Variants in THSD7B observed in about 807,000 individuals in gnomAD.
THSD7B encodes thrombospondin type-1 domain-containing protein 7B.
In THSD7B, 138 loss-of-function variants were observed where a neutral mutation model predicts 213.6. That is an observed-to-expected ratio of 0.65 (90% confidence interval 0.56 to 0.74). THSD7B has a LOEUF of 0.74. THSD7B is among the 30% of genes least tolerant of loss of function. THSD7B has a pLI of 0.00. For synonymous variants in THSD7B, 742 were observed against 687.0 expected (o/e 1.08, Z -1.25); for missense variants, 1,931 against 1,991.5 (o/e 0.97, Z 0.58).
intron 4 of THSD7B, among the ~76,000 whole-genome samples, chr2:137,112,236 A>C (rs1222588362): frequency 6.6e-6 from 1 of 152,150 alleles, no homozygotes; most frequent in Non-Finnish European, 1.5e-5. Context: ...TTTTGAAAAA[A>C]ATAAAGAAAA....
At chr2:137,131,246 T>C (rs929646230) in intron 5 of THSD7B, among the ~76,000 whole-genome samples, 64 of 150,956 alleles carry the variant, frequency 4.2e-4, no homozygotes, top group African/African-American at 1.5e-3. Flanking sequence ...TTCTTGTAAA[T>C]TTGTTTGAGT....
chr2:136,806,204 C>T (rs75141810), intron 1 of THSD7B, among the ~76,000 whole-genome samples: 32,961 of 152,110 alleles, frequency 0.22, 4,165 homozygotes, highest in East Asian at 0.41. Context: ...CTTTTTCAGC[C>T]CATGACATTT....
intron 13 of THSD7B, among the ~76,000 whole-genome samples, chr2:137,408,505 C>G (rs1686578900): frequency 2.6e-5 from 4 of 152,264 alleles, no homozygotes; most frequent in Admixed American, 2.6e-4. Context: ...GAGATTTTTA[C>G]TGGAGATAAT....
At chr2:137,214,843 T>G (rs1265895245) in intron 7 of THSD7B, among the ~76,000 whole-genome samples, 1 of 152,206 alleles carries the variant, frequency 6.6e-6, no homozygotes, top group Middle Eastern at 3.2e-3. Flanking sequence ...CTGATGGGCA[T>G]TTGGGTTGGT....
chr2:136,901,672 C>T (rs1684065201), intron 2 of THSD7B, among the ~76,000 whole-genome samples: 1 of 152,190 alleles, frequency 6.6e-6, no homozygotes, highest in Non-Finnish European at 1.5e-5. Flanking sequence ...TTAGAATGAA[C>T]TTTGACAAGG....
chr2:137,492,724 C>T (rs1679446272), intron 15 of THSD7B, among the ~76,000 whole-genome samples: 1 of 152,124 alleles, frequency 6.6e-6, no homozygotes, highest in African/African-American at 2.4e-5. Context: ...TTATCTAAAG[C>T]ACCACACATA....
At chr2:137,648,056 C>T (rs1231112319) in intron 21 of THSD7B, among the ~76,000 whole-genome samples, 1 of 152,124 alleles carries the variant, frequency 6.6e-6, no homozygotes, top group Non-Finnish European at 1.5e-5. Flanking sequence ...ATACTCATCT[C>T]ATAGTGCCTG....
chr2:137,550,806 A>G (rs1182320594), intron 15 of THSD7B, among the ~76,000 whole-genome samples: 1 of 152,086 alleles, frequency 6.6e-6, no homozygotes, highest in Non-Finnish European at 1.5e-5. Flanking sequence ...TTATAAGATC[A>G]TCAGTGATAC....
rs558344032 is a variant in THSD7B, at chr2:137,578,332, G to A, written c.3423+5776G>A. Among the ~76,000 whole-genome samples, 39 of 152,284 alleles carry A rather than the reference G, an allele frequency of 2.6e-4. No homozygotes were observed. In the South Asian group the frequency reaches 6.4e-3, roughly 25 times the overall value. On this transcript the variant is annotated intron_variant, in intron 17 of 27. Transcript: ENST00000409968. The stretch of plus-strand genomic sequence containing the variant: ...GAGTTCTTAGCTAACTACTAATTTG[G>A]ACATTCATGGAGTGAAACTCCCCAA...
chr2:136,847,116 A>T (rs1325770945), intron 1 of THSD7B, among the ~76,000 whole-genome samples: 1 of 152,164 alleles, frequency 6.6e-6, no homozygotes, highest in Non-Finnish European at 1.5e-5. Flanking sequence ...GGAAATAGTA[A>T]ATGGAATTGC....
chr2:137,554,491 G>A (rs1329356963), intron 15 of THSD7B, among the ~76,000 whole-genome samples: 15 of 152,134 alleles, frequency 9.9e-5, no homozygotes, highest in African/African-American at 3.6e-4. Context: ...ATTATTTCAG[G>A]TATGAAATAG....
At chr2:137,616,633 C>T (rs557441349) in intron 18 of THSD7B, among the ~76,000 whole-genome samples, 1 of 152,238 alleles carries the variant, frequency 6.6e-6, no homozygotes, top group African/African-American at 2.4e-5. Context: ...AATAATTTAC[C>T]ATTGAGAGAA....
intron 1 of THSD7B, among the ~76,000 whole-genome samples, chr2:136,879,525 G>C (rs917379043): frequency 2.0e-5 from 3 of 152,094 alleles, no homozygotes; most frequent in Non-Finnish European, 4.4e-5. Context: ...CCATTTTCAC[G>C]ATATTGATTC....
At chr2:137,017,726 A>G (rs1304542603) in intron 2 of THSD7B, among the ~76,000 whole-genome samples, 1 of 152,164 alleles carries the variant, frequency 6.6e-6, no homozygotes, top group African/African-American at 2.4e-5. Context: ...CATCAGTGCC[A>G]TATGATGCCT....
At chr2:136,773,257 A>C (rs1681540747) in intron 1 of THSD7B, among the ~76,000 whole-genome samples, 1 of 152,084 alleles carries the variant, frequency 6.6e-6, no homozygotes, top group Admixed American at 6.6e-5. Context: ...TTAACTTATG[A>C]AATCCTCTCA....
At chr2:137,212,748 T>TAGCCTTTGCTAATC (rs777281178) in intron 7 of THSD7B, among the ~76,000 whole-genome samples, 2 of 152,018 alleles carry the variant, frequency 1.3e-5, no homozygotes, top group Non-Finnish European at 2.9e-5. Context: ...AATATAAGAT[T>TAGCCTTTGCTAATC]TTTAAGATGA....
At chr2:136,855,824 C>T (rs2565215) in intron 1 of THSD7B, among the ~76,000 whole-genome samples, 114,327 of 151,376 alleles carry the variant, frequency 0.76, 43,420 homozygotes, top group Middle Eastern at 0.85. Context: ...GATCCAACTC[C>T]AAGGATCACC....
intron 12 of THSD7B, among the ~76,000 whole-genome samples, chr2:137,402,941 G>A (rs1362333735): frequency 6.6e-6 from 1 of 151,642 alleles, no homozygotes; most frequent in Non-Finnish European, 1.5e-5. Flanking sequence ...CAAGATAAAA[G>A]TTCTCTAAAT....
chr2:137,314,330 G>T (rs558200400), intron 12 of THSD7B, among the ~76,000 whole-genome samples: 48 of 152,270 alleles, frequency 3.2e-4, no homozygotes, highest in Admixed American at 2.8e-3. Context: ...TCTTCACGTA[G>T]TTCTTGAGCC....
Sources: gnomAD v4.1 joint callset for allele counts (sites outside exome capture counted in the v4.1 genomes callset) on GRCh38, gnomAD v4.1.1 for gene constraint, MANE v1.5 for transcripts, NCBI Gene and HGNC (gene_info 2026-07-23, HGNC 2026-07-21) for gene names.